CLEC6A: variants seen among roughly 807,000 people sequenced by gnomAD.
CLEC6A encodes C-type lectin domain containing 6A.
In CLEC6A, 22 loss-of-function variants were observed where a neutral mutation model predicts 25.7. That is an observed-to-expected ratio of 0.85 (90% confidence interval 0.61 to 1.22). The LOEUF (loss-of-function observed/expected upper bound fraction) is 1.22, where lower values mean the gene tolerates loss of function less well. Ranked by LOEUF, CLEC6A falls within the 50% of genes most tolerant of loss-of-function variation. CLEC6A has a pLI of 0.00. For synonymous variants in CLEC6A, 92 were observed against 76.7 expected (o/e 1.20, Z -1.04); for missense variants, 240 against 236.8 (o/e 1.01, Z -0.09).
At chr12:8,477,268 C>A (rs745306099) in intron 5 of CLEC6A, 52 bp from the exon 6 acceptor site, 42 of 1,474,632 alleles carry the variant, frequency 2.8e-5, no homozygotes, top group Non-Finnish European at 3.6e-5. Flanking sequence ...ACTTTCTAAT[C>A]ATTCACCATG....
intron 3 of CLEC6A, chr12:8,460,588 T>C: frequency 9.3e-7 from 1 of 1,073,778 alleles, no homozygotes; most frequent in South Asian, 1.3e-5. Context: ...AGAGCCTTTC[T>C]GTCTGGCGGA....
At chr12:8,460,914 G>C in intron 3 of CLEC6A, 2 of 852,326 alleles carry the variant, frequency 2.3e-6, no homozygotes, top group East Asian at 4.8e-5. Context: ...CAAACCTTCA[G>C]TCTGTTGCAG....
At chr12:8,462,532 T>C (rs2136358865) in intron 3 of CLEC6A, among the ~76,000 whole-genome samples, 1 of 139,070 alleles carries the variant, frequency 7.2e-6, no homozygotes, top group East Asian at 2.1e-4. Flanking sequence ...AGGTGGGACA[T>C]GCGGGCAACA....
At chr12:8,462,472 C>T (rs1218825979) in intron 3 of CLEC6A, among the ~76,000 whole-genome samples, 49 of 141,684 alleles carry the variant, frequency 3.5e-4, no homozygotes, top group African/African-American at 1.0e-3. Flanking sequence ...GTATAAAACC[C>T]GATTGTATGT....
intron 3 of CLEC6A, among the ~76,000 whole-genome samples, chr12:8,464,349 A>G (rs528231720): frequency 4.8e-4 from 56 of 116,426 alleles, no homozygotes; most frequent in Non-Finnish European, 7.4e-4. Context: ...TTTTTTTTTG[A>G]GACGGAGTCT....
chr12:8,467,956 T>C (rs62681560), intron 4 of CLEC6A, among the ~76,000 whole-genome samples: 116,632 of 151,218 alleles, frequency 0.77, 45,409 homozygotes, highest in East Asian at 0.99. Flanking sequence ...TTTTTTTTTT[T>C]CCCCAAGACG....
At chr12:8,467,866 A>T (rs1939855370) in intron 4 of CLEC6A, among the ~76,000 whole-genome samples, 1 of 152,072 alleles carries the variant, frequency 6.6e-6, no homozygotes, top group African/African-American at 2.4e-5. Context: ...TGTAGTTTTT[A>T]TAGTGCAAGT....
Position 8,478,110 on chromosome 12 carries a change from G to T in CLEC6A, c.*646G>T, listed in dbSNP as rs747413905. The T allele has an allele frequency of 2.0e-5, 3 of 152,060 alleles. No individual in the cohort carries two copies. Among genetic ancestry groups the T allele is most frequent in the African/African-American group, 7.2e-5 (3 of 41,516 alleles). The allele number at this position is 152,060 out of a possible 1,614,324, so 9.4% of individuals were successfully genotyped here. On this transcript the variant is annotated 3_prime_UTR_variant, in exon 6 of 6. Coordinates refer to ENST00000382073, the MANE Select transcript of CLEC6A (RefSeq NM_001007033.2). ...TTTATTTCTGAGAAATATGTGTTAA[G>T]ATCTCTCGCTGATTGGGAATTTGTC...
At chr12:8,476,940 T>C (rs1294602688) in intron 5 of CLEC6A, among the ~76,000 whole-genome samples, 1 of 152,056 alleles carries the variant, frequency 6.6e-6, no homozygotes, top group Non-Finnish European at 1.5e-5. Context: ...TTAAGGCAGA[T>C]CCATGAGAAT....
At chr12:8,460,934 C>G (rs1939745854) in intron 3 of CLEC6A, 3 of 861,778 alleles carry the variant, frequency 3.5e-6, no homozygotes, top group Admixed American at 1.7e-5. Flanking sequence ...GAGGAGCGAG[C>G]TGGATGCCAC....
intron 4 of CLEC6A, among the ~76,000 whole-genome samples, chr12:8,473,713 C>G (rs1187144557): frequency 1.3e-5 from 2 of 152,068 alleles, no homozygotes; most frequent in Admixed American, 1.3e-4. Context: ...TAAGTGTTCC[C>G]TTTTCTCTAC....
chr12:8,464,333 C>CT (rs763341698), intron 3 of CLEC6A, among the ~76,000 whole-genome samples: 2,359 of 57,130 alleles, frequency 0.041, 75 homozygotes, highest in African/African-American at 0.092. Context: ...CTTTCTTTTT[C>CT]TTTTTTTTTT....
chr12:8,465,580 G>C lies in CLEC6A; in HGVS notation c.320G>C (p.Cys107Ser), dbSNP rs1183081655. ...GTTTGGTCTAAGAGTGAGCAGAACT[G>C]TGTTGAGATGGGAGCACATTTGGTT... ...EKVWSKSEQN[C>S]VEMGAHLVVF... is the part of the protein sequence containing the mutation. The change falls in exon 4 of 6, where the codon TGT (cysteine) becomes TCT (serine). Residue 107 changes from cysteine to serine, a missense_variant. Coordinates refer to ENST00000382073, the MANE Select transcript of CLEC6A (RefSeq NM_001007033.2). The C allele has an allele frequency of 6.2e-7, 1 of 1,613,946 alleles. No homozygotes were observed. Among genetic ancestry groups the C allele is most frequent in the South Asian group, 1.1e-5 (1 of 91,088 alleles).
intron 4 of CLEC6A, among the ~76,000 whole-genome samples, chr12:8,475,483 A>G (rs974864739): frequency 6.6e-6 from 1 of 152,024 alleles, no homozygotes; most frequent in Non-Finnish European, 1.5e-5. Flanking sequence ...GACCTAGAAA[A>G]GCTGGTGGTG....
At chr12:8,463,641 T>A (rs779622336) in intron 3 of CLEC6A, among the ~76,000 whole-genome samples, 163 of 152,322 alleles carry the variant, frequency 1.1e-3, no homozygotes, top group African/African-American at 3.7e-3. Flanking sequence ...TTATTGAAAG[T>A]AAAGAAAAAG....
chr12:8,473,207 G>A (rs1939928676), intron 4 of CLEC6A, among the ~76,000 whole-genome samples: 1 of 10,796 alleles, frequency 9.3e-5, no homozygotes, highest in African/African-American at 1.9e-4. Flanking sequence ...TGTTAGCCAG[G>A]ATGGTCTCGA....
chr12:8,461,899 A>G (rs903760183), intron 3 of CLEC6A, among the ~76,000 whole-genome samples: 41 of 152,200 alleles, frequency 2.7e-4, no homozygotes, highest in African/African-American at 9.9e-4. Context: ...AAGGATTTTG[A>G]AAACATATAT....
At chr12:8,458,541 A>G (rs541466077) in intron 2 of CLEC6A, among the ~76,000 whole-genome samples, 3 of 152,160 alleles carry the variant, frequency 2.0e-5, no homozygotes, top group Non-Finnish European at 4.4e-5. Context: ...CCGATTCACA[A>G]TTTGGATTTC....
intron 4 of CLEC6A, among the ~76,000 whole-genome samples, chr12:8,468,131 T>G (rs934497156): frequency 6.6e-6 from 1 of 151,952 alleles, no homozygotes; most frequent in Admixed American, 6.6e-5. Flanking sequence ...TTAGTAGAGA[T>G]AGGGTTTCAC....
Sources: allele counts gnomAD v4.1 joint callset (sites outside exome capture counted in the v4.1 genomes callset), GRCh38; gene constraint gnomAD v4.1.1; transcripts MANE v1.5; gene names NCBI Gene and HGNC (gene_info 2026-07-23, HGNC 2026-07-21).